The following CFAP221 variants were observed in gnomAD, a reference collection of about 807,000 sequenced individuals.
CFAP221 encodes the protein cilia and flagella associated protein 221.
Under a neutral mutation model 113.1 loss-of-function variants are expected in CFAP221, and 97 were observed. That is an observed-to-expected ratio of 0.86 (90% CI 0.73 to 1.02). The LOEUF (loss-of-function observed/expected upper bound fraction) is 1.02. Ranked by LOEUF, CFAP221 falls within the 50% of genes least tolerant of loss-of-function variation. CFAP221 has a pLI of 0.00. For missense variants in CFAP221, 1,025 were observed against 1,013.4 expected, an observed-to-expected ratio of 1.01 and a Z score of -0.16; for synonymous variants, 331 against 354.4, an observed-to-expected ratio of 0.93 and a Z score of 0.74.
intron 19 of CFAP221, among the ~76,000 whole-genome samples, chr2:119,634,760 T>C (rs1186925186): frequency 6.6e-6 from 1 of 152,156 alleles, no homozygotes; most frequent in African/African-American, 2.4e-5. Context: ...TATGAGATAT[T>C]GATAATAGCC....
chr2:119,644,386 G>T (rs926446025), intron 21 of CFAP221, among the ~76,000 whole-genome samples: 1 of 152,110 alleles, frequency 6.6e-6, no homozygotes, highest in Non-Finnish European at 1.5e-5. Flanking sequence ...CCTGGCGAGC[G>T]GCCCAGACCC....
chr2:119,605,293 A>T lies in CFAP221; in HGVS notation c.1133+4A>T. On this transcript the variant is annotated splice_donor_region_variant and intron_variant, in intron 11 of 23. Transcript: ENST00000413369. ...AGATGGAAAATCATCTTAAGTGGTAAATATTGAGCAATTGTTTGTATCAAG... is the reference window on the plus strand; with the variant it reads ...AGATGGAAAATCATCTTAAGTGGTATATATTGAGCAATTGTTTGTATCAAG... 2 of 1,595,520 alleles carry T rather than the reference A, an allele frequency of 1.3e-6. No homozygotes were observed. The highest frequency in any genetic ancestry group is 3.3e-5 in the Admixed American group (2 of 59,954).
At chr2:119,589,871 A>G (rs1683479445) in intron 7 of CFAP221, 1 of 152,238 alleles carries the variant, frequency 6.6e-6, no homozygotes, top group Non-Finnish European at 1.5e-5. Context: ...AAGAAATCAT[A>G]TGCAACCAAA....
Position 119,630,857 on chromosome 2 carries a change from G to T in CFAP221, c.1930G>T (p.Glu644Ter), listed in dbSNP as rs776692975. ...ATCAGTCTTGAGCATGAAACCACCT[G>T]AGGCCTTAGCCATGTCTCTAGATTA... is the stretch of plus-strand genomic sequence containing the variant. Reference protein sequence around the residue: ...KTSVLSMKPPEALAMSLDYDP... With the variant: ...KTSVLSMKPP The change falls in exon 19 of 24, where the codon GAG becomes TAG. Residue 644 changes from glutamate (E) to a stop codon, truncating the protein, a stop_gained. Transcript: ENST00000413369. LOFTEE classifies it high-confidence loss of function. The T allele has an allele frequency of 1.9e-6, 3 of 1,613,564 alleles. No homozygotes were observed. In the Admixed American group the frequency reaches 5.0e-5, roughly 27 times the overall value.
chr2:119,610,445 C>CT (rs1685072291), intron 12 of CFAP221, among the ~76,000 whole-genome samples: 1 of 152,214 alleles, frequency 6.6e-6, no homozygotes, highest in Admixed American at 6.5e-5. Context: ...GGATGATGAG[C>CT]TTTTACTCAT....
At chr2:119,652,772 A>T (rs868261501) in intron 23 of CFAP221, among the ~76,000 whole-genome samples, 2 of 152,162 alleles carry the variant, frequency 1.3e-5, no homozygotes, top group East Asian at 3.9e-4. Flanking sequence ...CATATGCTTT[A>T]TAAGTTTGAA....
intron 3 of CFAP221, among the ~76,000 whole-genome samples, chr2:119,558,788 C>T (rs1681009158): frequency 6.6e-6 from 1 of 152,186 alleles, no homozygotes; most frequent in Admixed American, 6.5e-5. Context: ...TGCCACTGCA[C>T]TGCAGCCCGA....
chr2:119,592,103 C>T (rs1683638942), intron 7 of CFAP221, among the ~76,000 whole-genome samples: 1 of 151,990 alleles, frequency 6.6e-6, no homozygotes, highest in African/African-American at 2.4e-5. Flanking sequence ...ACATTTATCC[C>T]TGCAGACACC....
At chr2:119,625,557 G>A in intron 14 of CFAP221, 26 bp from the exon 15 acceptor site, 1 of 1,557,688 alleles carries the variant, frequency 6.4e-7, no homozygotes, top group Non-Finnish European at 8.8e-7. Context: ...TTAATAATTT[G>A]AAATCATTAT....
rs756817791 is a variant in CFAP221, at chr2:119,656,354, A to T, written c.2415-8A>T. 25 of 1,612,662 alleles carry T rather than the reference A, an allele frequency of 1.6e-5. No individual in the cohort carries two copies. The Admixed American group carries it at 3.8e-4, about 25-fold the overall frequency. ...TCATGTTTCCTTCTTGGGTTTTTTG[A>T]TACTCAGAGAAGTGAAAGATCAAGC... On this transcript the variant is annotated splice_region_variant and splice_polypyrimidine_tract_variant and intron_variant, in intron 23 of 23. Coordinates refer to ENST00000413369, the MANE Select transcript of CFAP221 (RefSeq NM_001271049.2).
At chr2:119,583,795 A>T (rs888697370) in intron 6 of CFAP221, among the ~76,000 whole-genome samples, 1 of 152,210 alleles carries the variant, frequency 6.6e-6, no homozygotes, top group African/African-American at 2.4e-5. Flanking sequence ...GTGTCCTTAT[A>T]AAAGAGATCT....
In CFAP221 at chr2:119,562,028, G is replaced by A; in HGVS notation, c.441G>A (p.Leu147=). ...IRVHCKGDDT[L]LVPIHAYPVM... is the part of the protein sequence containing the mutation. ...GTTAATTTTAGGGAGATGACACTTT[G>A]CTTGTTCCTATTCATGCCTATCCAG... Residue 147 remains leucine (L), a synonymous_variant, in exon 6 of 24, where the codon TTG becomes TTA. Coordinates refer to ENST00000413369, the MANE Select transcript of CFAP221 (RefSeq NM_001271049.2). 6.5e-7 allele frequency: 1 copy of A among 1,533,968 alleles called. No homozygotes were observed. The highest frequency in any genetic ancestry group is 1.2e-5 in the South Asian group (1 of 83,674).
chr2:119,639,506 G>A (rs545383800), intron 20 of CFAP221, among the ~76,000 whole-genome samples: 4 of 152,330 alleles, frequency 2.6e-5, no homozygotes, highest in African/African-American at 9.6e-5. Context: ...TTCTAAGGCC[G>A]CAGCTGCCCT....
At chr2:119,603,419 G>A (rs1684497978) in intron 8 of CFAP221, among the ~76,000 whole-genome samples, 1 of 152,074 alleles carries the variant, frequency 6.6e-6, no homozygotes, top group South Asian at 2.1e-4. Flanking sequence ...ATGTCGGTGG[G>A]TGGGAGTCTC....
chr2:119,572,836 G>T, intron 6 of CFAP221: 2 of 417,944 alleles, frequency 4.8e-6, no homozygotes, highest in Non-Finnish European at 8.6e-6. Context: ...GGCTATAGAG[G>T]CTCTGTAGCC....
intron 6 of CFAP221, among the ~76,000 whole-genome samples, chr2:119,571,794 C>T (rs1461275206): frequency 1.3e-5 from 2 of 152,190 alleles, no homozygotes; most frequent in Non-Finnish European, 2.9e-5. Flanking sequence ...AAATACTGTA[C>T]ATGATGAGAA....
At chr2:119,544,774 C>T (rs1679931425) in intron 1 of CFAP221, among the ~76,000 whole-genome samples, 1 of 151,970 alleles carries the variant, frequency 6.6e-6, no homozygotes, top group Admixed American at 6.6e-5. Flanking sequence ...AGAGGGCCTG[C>T]CCGGGGTGAG....
At chr2:119,551,894 G>A (rs986649039) in intron 3 of CFAP221, among the ~76,000 whole-genome samples, 2 of 152,046 alleles carry the variant, frequency 1.3e-5, no homozygotes, top group Admixed American at 6.6e-5. Context: ...TAAATGTTTC[G>A]TAACTTTTGT....
At chr2:119,572,054 A>G (rs532667590) in intron 6 of CFAP221, among the ~76,000 whole-genome samples, 1 of 152,348 alleles carries the variant, frequency 6.6e-6, no homozygotes, top group African/African-American at 2.4e-5. Flanking sequence ...CATTTTCCCC[A>G]AGGTCCTGAA....
Sources: gnomAD v4.1 joint callset for allele counts (sites outside exome capture counted in the v4.1 genomes callset) on GRCh38, gnomAD v4.1.1 for gene constraint, MANE v1.5 for transcripts, NCBI Gene and HGNC (gene_info 2026-07-23, HGNC 2026-07-21) for gene names.